WDR35: variants seen among roughly 807,000 people sequenced by gnomAD.
The protein encoded by WDR35 is WD repeat-containing protein 35.
Under a neutral mutation model 158.3 loss-of-function variants are expected in WDR35, and 118 were observed. The ratio of observed to expected loss-of-function variants is 0.75; its 90% CI spans 0.64 to 0.87. The LOEUF is 0.87. Among genes scored for constraint, WDR35 ranks in the 40% least tolerant of loss-of-function variants. The pLI, the probability that WDR35 is intolerant of heterozygous loss-of-function variation, is 0.00. For missense variants in WDR35, 1,263 were observed against 1,405.8 expected (o/e 0.90, Z 1.62); for synonymous variants, 448 against 476.1 (o/e 0.94, Z 0.77).
At position 19,932,347 on chromosome 2, in the gene WDR35, A is replaced by G; in HGVS notation, c.2759T>C (p.Leu920Pro). 1.2e-6 allele frequency: 2 copies of G among 1,613,372 alleles called. No individual in the cohort carries two copies. Among genetic ancestry groups the G allele is most frequent in the Non-Finnish European group, 1.7e-6 (2 of 1,179,564 alleles). ...TTTCCGATAGAGTTCTATGGCATCA[A>G]GAGTTTTATTCTTTTCCAGTAAATG... ...ASHLLEKNKT[L>P]DAIELYRKAN... is the part of the protein sequence containing the mutation. The change falls in exon 23 of 27, where the codon CTT becomes CCT. Residue 920 changes from leucine to proline, a missense_variant. Transcript: ENST00000281405.
intron 4 of WDR35, among the ~76,000 whole-genome samples, chr2:19,979,632 A>G (rs895986256): frequency 6.6e-6 from 1 of 152,188 alleles, no homozygotes; most frequent in Non-Finnish European, 1.5e-5. Flanking sequence ...CCTGCAGCCA[A>G]GCAAATAATC....
At position 19,953,978 on chromosome 2, in the gene WDR35, A is replaced by C; in HGVS notation, c.1256T>G (p.Val419Gly). 1 of 1,614,112 alleles carries C rather than the reference A, an allele frequency of 6.2e-7. No homozygotes were observed. Among genetic ancestry groups the C allele is most frequent in the Non-Finnish European group, 8.5e-7 (1 of 1,180,000 alleles). ...TTTGGTCATTGCAACAAACAATGGTACTGTTAAAAATAACATTAAGATAAT... is the reference window on the plus strand; with the variant it reads ...TTTGGTCATTGCAACAAACAATGGTCCTGTTAAAAATAACATTAAGATAAT... The part of the protein sequence containing the change: ...TPLDPKYIDI[V>G]PLFVAMTKTH... The change falls in exon 12 of 27, where the codon GTA becomes GGA. Residue 419 changes from valine (V) to glycine (G), a missense_variant and splice_region_variant. By Grantham distance (109) the Val-to-Gly change is moderately radical. Transcript: ENST00000281405.
At chr2:19,924,623 T>A (rs995821630) in intron 25 of WDR35, among the ~76,000 whole-genome samples, 1 of 152,176 alleles carries the variant, frequency 6.6e-6, no homozygotes, top group Non-Finnish European at 1.5e-5. Flanking sequence ...GTTATTAGCT[T>A]TTGACAATGC....
intron 25 of WDR35, among the ~76,000 whole-genome samples, chr2:19,927,226 C>T (rs929409974): frequency 4.6e-5 from 7 of 152,154 alleles, no homozygotes; most frequent in African/African-American, 1.7e-4. Context: ...TGTTACACAG[C>T]TTTCTGATCT....
Position 19,938,387 on chromosome 2 carries a change from T to C in WDR35, c.1941A>G (p.Pro647=), listed in dbSNP as rs1379549298. 6.2e-7 allele frequency: 1 copy of C among 1,613,990 alleles called. No homozygotes were observed. The highest frequency in any genetic ancestry group is 1.7e-5 in the Admixed American group (1 of 59,966). ...CAAAGTTAATTAGGTAATCCTTGTTTGGATGTTCTGGATCCTAAAAGTAAA... is the reference window on the plus strand; with the variant it reads ...CAAAGTTAATTAGGTAATCCTTGTTCGGATGTTCTGGATCCTAAAAGTAAA... The part of the protein sequence containing the change: ...LDEILKDPEH[P]NKDYLINFEI... The change falls in exon 18 of 27, where the codon CCA becomes CCG. Residue 647 remains proline (P), a synonymous_variant. Transcript: ENST00000281405.
chr2:19,985,066 G>T (rs371422356), intron 2 of WDR35, among the ~76,000 whole-genome samples: 4 of 152,244 alleles, frequency 2.6e-5, no homozygotes, highest in East Asian at 3.9e-4. Flanking sequence ...GTTGTCCTGG[G>T]CATATTGGAA....
chr2:19,982,679 T>A (rs545717368), intron 2 of WDR35, 145 bp from the exon 3 acceptor site: 2 of 864,864 alleles, frequency 2.3e-6, no homozygotes, highest in Admixed American at 5.3e-5. Flanking sequence ...GGTATAAACA[T>A]GAACAATAAC....
Position 19,974,451 on chromosome 2 carries a change from A to T in WDR35, c.736+17T>A, listed in dbSNP as rs1199849559. 6.4e-7 allele frequency: 1 copy of T among 1,569,540 alleles called. No homozygotes were observed. Among genetic ancestry groups the T allele is most frequent in the Non-Finnish European group, 8.6e-7 (1 of 1,162,674 alleles). On this transcript the variant is annotated intron_variant, in intron 7 of 26. Coordinates refer to ENST00000281405, the MANE Select transcript of WDR35 (RefSeq NM_020779.4). The stretch of plus-strand genomic sequence containing the variant: ...AATAGAAATTAAAAAAATTTTTTAA[A>T]CAGAAAAATTCCTTACTTTGGTCAT...
chr2:19,989,238 G>A lies in WDR35; in HGVS notation c.69C>T (p.Asn23=). Residue 23 remains asparagine (N), a synonymous_variant, in exon 2 of 27, where the codon AAC becomes AAT. Transcript: ENST00000281405. ...NNVKLQCVSW[N]KEQGFIACGG... is the part of the protein sequence containing the mutation. Reference sequence around the variant, plus strand: ...CGCATGCTATGAACCCTTGTTCCTTGTTCCAGGATACACACTGCAGCTTCA... The same window carrying A: ...CGCATGCTATGAACCCTTGTTCCTTATTCCAGGATACACACTGCAGCTTCA... The A allele has an allele frequency of 6.2e-7, 1 of 1,614,152 alleles. No individual in the cohort carries two copies. Among genetic ancestry groups the A allele is most frequent in the Non-Finnish European group, 8.5e-7 (1 of 1,180,034 alleles).
chr2:19,928,809 A>T (rs1558326415), intron 25 of WDR35, among the ~76,000 whole-genome samples: 1 of 144,730 alleles, frequency 6.9e-6, no homozygotes, highest in African/African-American at 2.5e-5. Flanking sequence ...GGAAGATACT[A>T]TTTTTTTTTT....
rs769727492 is a variant in WDR35, at chr2:19,990,005, TAGA to T, written c.8_10del (p.Phe3del). ...CAGGAAACTCACTTTCTTGCTCAGGTAGAAGAACATCGTGGGATCCCCGAGAGG... is the reference window on the plus strand; with the variant it reads ...CAGGAAACTCACTTTCTTGCTCAGGTAGAACATCGTGGGATCCCCGAGAGG... On this transcript the variant is annotated inframe_deletion, in exon 1 of 27. Transcript: ENST00000281405. The T allele has an allele frequency of 2.5e-6, 4 of 1,613,984 alleles. No individual in the cohort carries two copies. The highest frequency in any genetic ancestry group is 2.2e-5 in the South Asian group (2 of 91,026).
At position 19,910,734 on chromosome 2, in the gene WDR35, G is replaced by A. The variant is rs1669805071; in HGVS notation, c.*2824C>T. The A allele has an allele frequency of 6.6e-6, 1 of 152,084 alleles. No homozygotes were observed. Among genetic ancestry groups the A allele is most frequent in the African/African-American group, 2.4e-5 (1 of 41,388 alleles). 9.4% of individuals were successfully genotyped at this position (152,084 alleles called of 1,614,324 possible). A position where few individuals can be genotyped will look rare whatever the true frequency, so the allele number is the denominator to read the frequency against. ...CCTAGTCAAGGGAGAGTTTGTTAGT[G>A]TTGTTATCTGGAAATTTCCTTCATG... On this transcript the variant is annotated 3_prime_UTR_variant, in exon 27 of 27. Transcript: ENST00000281405.
chr2:19,930,061 T>A (rs1289619600), intron 25 of WDR35, among the ~76,000 whole-genome samples: 2 of 149,626 alleles, frequency 1.3e-5, no homozygotes, highest in African/African-American at 4.9e-5. Flanking sequence ...TTTAAATATA[T>A]GTATTAAATA....
intron 11 of WDR35, 100 bp from the exon 12 acceptor site, chr2:19,954,078 T>C: frequency 1.5e-6 from 2 of 1,294,560 alleles, no homozygotes; most frequent in Non-Finnish European, 2.2e-6. Context: ...CCCCTCATTT[T>C]ATAGACAATA....
In WDR35 at chr2:19,913,411, A is replaced by T. The variant is rs1669894607; in HGVS notation, c.*147T>A. 1 of 911,730 alleles carries T rather than the reference A, an allele frequency of 1.1e-6. No homozygotes were observed. Among genetic ancestry groups the T allele is most frequent in the Non-Finnish European group, 1.6e-6 (1 of 624,668 alleles). The allele number at this position is 911,730 out of a possible 1,614,324, so 56.5% of individuals were successfully genotyped here. A position where few individuals can be genotyped will look rare whatever the true frequency, so the allele number is the denominator to read the frequency against. The stretch of plus-strand genomic sequence containing the variant: ...TATTGCCATAAAAATTATTTTATTA[A>T]CATATATTTTGTGCAAAAATTCAAC... On this transcript the variant is annotated 3_prime_UTR_variant, in exon 27 of 27. Transcript: ENST00000281405.
intron 14 of WDR35, among the ~76,000 whole-genome samples, chr2:19,946,976 A>C (rs1276654374): frequency 1.3e-5 from 2 of 152,228 alleles, no homozygotes; most frequent in African/African-American, 4.8e-5. Flanking sequence ...AGAAGATCAT[A>C]TGATATAGCT....
rs1054945479 is a variant in WDR35 at position 19,951,317 on chromosome 2, T to G, written c.1470+98A>C. On this transcript the variant is annotated intron_variant, in intron 13 of 26. Transcript: ENST00000281405. ...AAAGAATTGCTAAAATAATATCCTA[T>G]TCACTGGAAACAAATTATTTTTCAG... The G allele has an allele frequency of 2.8e-6, 3 of 1,080,790 alleles. No homozygotes were observed. The African/African-American group carries it at 4.8e-5, about 17-fold the overall frequency. 67.0% of individuals were successfully genotyped at this position (1,080,790 alleles called of 1,614,324 possible).
At chr2:19,930,693 G>A in intron 24 of WDR35, 141 bp from the exon 25 acceptor site, 1 of 1,250,002 alleles carries the variant, frequency 8.0e-7, no homozygotes, top group Non-Finnish European at 1.1e-6. Flanking sequence ...TTTTTTTTAA[G>A]AGATGAGGTA....
chr2:19,962,072 G>C (rs1166905166), intron 10 of WDR35, among the ~76,000 whole-genome samples: 1 of 152,138 alleles, frequency 6.6e-6, no homozygotes, highest in Non-Finnish European at 1.5e-5. Context: ...CAGTTCTTTA[G>C]GGATGGACTA....
Sources: gnomAD v4.1 joint callset for allele counts (sites outside exome capture counted in the v4.1 genomes callset) on GRCh38, gnomAD v4.1.1 for gene constraint, MANE v1.5 for transcripts, NCBI Gene and HGNC (gene_info 2026-07-23, HGNC 2026-07-21) for gene names.